The following ADAMTSL3 variants were observed in gnomAD, a reference collection of about 807,000 sequenced individuals.
ADAMTSL3 encodes the protein ADAMTS-like protein 3.
A neutral mutation model predicts 201.7 loss-of-function variants in ADAMTSL3; 128 were observed. The observed-to-expected ratio is 0.63, with a 90% CI of 0.55 to 0.73. The LOEUF is 0.73. Ranked by LOEUF, ADAMTSL3 falls within the 30% of genes least tolerant of loss-of-function variation. The pLI, the probability that ADAMTSL3 is intolerant of heterozygous loss-of-function variation, is 0.00. For synonymous variants in ADAMTSL3, 738 were observed against 748.4 expected (o/e 0.99, Z 0.23); for missense variants, 1,990 against 2,119.6 (o/e 0.94, Z 1.20).
chr15:84,000,764 A>G (rs2067776951), intron 23 of ADAMTSL3, among the ~76,000 whole-genome samples: 1 of 152,216 alleles, frequency 6.6e-6, no homozygotes, highest in Non-Finnish European at 1.5e-5. Flanking sequence ...TCAAAGCAGC[A>G]TATATGCAAA....
chr15:83,982,911 C>A lies in ADAMTSL3; in HGVS notation c.3283C>A (p.Gln1095Lys). ...KQGAYSMDTA[Q>K]FDELIRNMSQ... is the part of the protein sequence containing the mutation. ...AGGAGCATATAGCATGGATACAGCC[C>A]AGTTTGATGAGCTGATAAGAAACAT... Residue 1095 changes from glutamine to lysine, a missense_variant, in exon 21 of 30, where the codon CAG becomes AAG. Gln to Lys is a moderately conservative substitution (Grantham distance 53). Coordinates refer to ENST00000286744, the MANE Select transcript of ADAMTSL3 (RefSeq NM_207517.3). 6.2e-7 allele frequency: 1 copy of A among 1,614,076 alleles called. No homozygotes were observed. The highest frequency in any genetic ancestry group is 8.5e-7 in the Non-Finnish European group (1 of 1,180,030).
chr15:83,841,424 A>C (rs890367115), intron 7 of ADAMTSL3, among the ~76,000 whole-genome samples: 5 of 152,286 alleles, frequency 3.3e-5, no homozygotes, highest in Middle Eastern at 3.4e-3. Flanking sequence ...GTTGCTTATG[A>C]GCTGTGCAGA....
At chr15:83,888,806 C>T (rs1247480481) in intron 10 of ADAMTSL3, among the ~76,000 whole-genome samples, 1 of 152,134 alleles carries the variant, frequency 6.6e-6, no homozygotes, top group Non-Finnish European at 1.5e-5. Context: ...ATAATGCATA[C>T]CAGTCCGTCC....
intron 3 of ADAMTSL3, among the ~76,000 whole-genome samples, chr15:83,741,732 C>T (rs1365765153): frequency 1.3e-5 from 2 of 152,172 alleles, no homozygotes; most frequent in Non-Finnish European, 2.9e-5. Context: ...TATGGTGGCT[C>T]ATCCCTGTAA....
chr15:83,671,076 G>A (rs1357257530), intron 2 of ADAMTSL3, among the ~76,000 whole-genome samples: 1 of 152,020 alleles, frequency 6.6e-6, no homozygotes, highest in Non-Finnish European at 1.5e-5. Context: ...GATTTGGTTT[G>A]CAAATATTTT....
At chr15:83,864,306 AC>A (rs1326184322) in intron 8 of ADAMTSL3, among the ~76,000 whole-genome samples, 1 of 152,154 alleles carries the variant, frequency 6.6e-6, no homozygotes, top group Admixed American at 6.5e-5. Context: ...CAGAGACACA[AC>A]CAAAAAAGAG....
At chr15:83,839,560 G>T (rs1299900285) in intron 7 of ADAMTSL3, among the ~76,000 whole-genome samples, 1 of 152,166 alleles carries the variant, frequency 6.6e-6, no homozygotes, top group Non-Finnish European at 1.5e-5. Flanking sequence ...TGGATTACCT[G>T]TCAGATGAGC....
intron 16 of ADAMTSL3, among the ~76,000 whole-genome samples, chr15:83,919,825 G>T (rs1488072812): frequency 8.5e-5 from 13 of 152,162 alleles, no homozygotes. Flanking sequence ...CAGTCGTGGA[G>T]ATTGGTCTTA....
intron 3 of ADAMTSL3, among the ~76,000 whole-genome samples, chr15:83,761,344 G>A (rs2062806264): frequency 6.6e-6 from 1 of 152,036 alleles, no homozygotes; most frequent in Non-Finnish European, 1.5e-5. Context: ...TATAATTGCT[G>A]TTTTACACAG....
chr15:83,911,207 A>G (rs2065926035), intron 15 of ADAMTSL3, among the ~76,000 whole-genome samples: 1 of 152,210 alleles, frequency 6.6e-6, no homozygotes, highest in African/African-American at 2.4e-5. Context: ...TCCAGAAGAG[A>G]GAAATTATAC....
At chr15:83,810,537 G>A (rs769128766) in intron 5 of ADAMTSL3, among the ~76,000 whole-genome samples, 1 of 152,096 alleles carries the variant, frequency 6.6e-6, no homozygotes, top group Non-Finnish European at 1.5e-5. Flanking sequence ...ATTATCTTAC[G>A]GTTCTGAAGG....
intron 4 of ADAMTSL3, among the ~76,000 whole-genome samples, chr15:83,779,734 C>T (rs978332454): frequency 4.0e-5 from 6 of 149,770 alleles, no homozygotes; most frequent in Admixed American, 2.7e-4. Context: ...AACAATCTCT[C>T]AGACCACAGC....
At chr15:83,978,671 ACCTGGCAG>A (rs1340818334) in intron 20 of ADAMTSL3, among the ~76,000 whole-genome samples, 3 of 152,306 alleles carry the variant, frequency 2.0e-5, no homozygotes. Flanking sequence ...AAACTGTGGA[ACCTGGCAG>A]CCTGGCAGAG....
chr15:83,759,138 A>C (rs1491002838), intron 3 of ADAMTSL3, among the ~76,000 whole-genome samples: 1 of 152,192 alleles, frequency 6.6e-6, no homozygotes, highest in African/African-American at 2.4e-5. Context: ...AAAAATAGAG[A>C]AATAGAAAAG....
At chr15:83,924,482 G>A (rs920663729) in intron 17 of ADAMTSL3, among the ~76,000 whole-genome samples, 1 of 152,152 alleles carries the variant, frequency 6.6e-6, no homozygotes, top group African/African-American at 2.4e-5. Flanking sequence ...CACTCATACT[G>A]ATGTGTTATT....
chr15:83,669,884 G>C (rs1458729084), intron 2 of ADAMTSL3, among the ~76,000 whole-genome samples: 1 of 152,034 alleles, frequency 6.6e-6, no homozygotes, highest in Non-Finnish European at 1.5e-5. Context: ...CCTCATAAAT[G>C]AAATTATGAC....
intron 3 of ADAMTSL3, among the ~76,000 whole-genome samples, chr15:83,758,065 A>T (rs1430375071): frequency 6.6e-6 from 1 of 152,164 alleles, no homozygotes; most frequent in Non-Finnish European, 1.5e-5. Context: ...TGAGCCCTCC[A>T]AACTGTTCCA....
intron 11 of ADAMTSL3, 27 bp from the exon 12 acceptor site, chr15:83,891,302 A>G (rs1440717392): frequency 3.2e-6 from 5 of 1,543,878 alleles, no homozygotes; most frequent in Non-Finnish European, 4.5e-6. Context: ...TATAGAAATG[A>G]TATTCTCACA....
chr15:83,966,342 T>C (rs1049418605), intron 19 of ADAMTSL3, among the ~76,000 whole-genome samples: 2 of 151,600 alleles, frequency 1.3e-5, no homozygotes, highest in East Asian at 3.9e-4. Flanking sequence ...TAAAAAATGA[T>C]AAAATCACCA....
Sources: gnomAD v4.1 joint callset for allele counts (sites outside exome capture counted in the v4.1 genomes callset) on GRCh38, gnomAD v4.1.1 for gene constraint, MANE v1.5 for transcripts, NCBI Gene and HGNC (gene_info 2026-07-23, HGNC 2026-07-21) for gene names.